The following ATIC variants were observed in gnomAD, a reference collection of about 807,000 sequenced individuals.
ATIC encodes the protein bifunctional purine biosynthesis protein ATIC.
A neutral mutation model predicts 72.5 loss-of-function variants in ATIC; 64 were observed. The observed-to-expected ratio is 0.88, with a 90% CI of 0.72 to 1.09. ATIC has a LOEUF of 1.09. Ranked by LOEUF, ATIC falls within the 50% of genes least tolerant of loss-of-function variation. The probability of loss-of-function intolerance (pLI) is 0.00; values close to 1 mark genes in which losing one functional copy is unlikely to be tolerated. For synonymous variants in ATIC, 281 were observed against 267.1 expected (o/e 1.05, Z -0.51); for missense variants, 787 against 732.4 (o/e 1.07, Z -0.86).
At chr2:215,317,082 T>C (rs559149080) in intron 2 of ATIC, among the ~76,000 whole-genome samples, 1 of 152,278 alleles carries the variant, frequency 6.6e-6, no homozygotes, top group African/African-American at 2.4e-5. Context: ...TTTTTTCTTA[T>C]ATATTGTGGG....
At chr2:215,321,477 G>A (rs1238666903) in intron 4 of ATIC, among the ~76,000 whole-genome samples, 1 of 152,140 alleles carries the variant, frequency 6.6e-6, no homozygotes, top group East Asian at 1.9e-4. Context: ...ATACACATTC[G>A]TTTCATTGGG....
chr2:215,331,584 A>T (rs574721607), intron 7 of ATIC, among the ~76,000 whole-genome samples: 1 of 151,976 alleles, frequency 6.6e-6, no homozygotes, highest in Non-Finnish European at 1.5e-5. Context: ...GGGTTTCACC[A>T]TGTTGACCAG....
chr2:215,322,105 G>C (rs1302054611), intron 4 of ATIC, among the ~76,000 whole-genome samples: 1 of 151,930 alleles, frequency 6.6e-6, no homozygotes, highest in Non-Finnish European at 1.5e-5. Context: ...GTTTCACTAT[G>C]TTGGCCAGGT....
At chr2:215,347,950 C>T (rs1358235131) in intron 14 of ATIC, among the ~76,000 whole-genome samples, 1 of 152,110 alleles carries the variant, frequency 6.6e-6, no homozygotes, top group Non-Finnish European at 1.5e-5. Context: ...GATCAAGGTA[C>T]TGGTGGGCTG....
the ATIC span, among the ~76,000 whole-genome samples, chr2:215,365,157 C>T: frequency 6.6e-6 from 1 of 152,138 alleles, no homozygotes; most frequent in Non-Finnish European, 1.5e-5. Flanking sequence ...TAGGGTGGCA[C>T]TTCCAAAAAT....
chr2:215,319,623 G>GT, intron 3 of ATIC, 42 bp from the exon 4 acceptor site: 1 of 1,403,590 alleles, frequency 7.1e-7, no homozygotes, highest in Non-Finnish European at 1.0e-6. Flanking sequence ...AATCTGACTT[G>GT]TTTTTTGAAG....
intron 11 of ATIC, among the ~76,000 whole-genome samples, chr2:215,337,170 A>G (rs2052965246): frequency 6.6e-6 from 1 of 152,026 alleles, no homozygotes; most frequent in African/African-American, 2.4e-5. Context: ...TTGATAAAGC[A>G]AAGAGTTATT....
intron 4 of ATIC, among the ~76,000 whole-genome samples, chr2:215,324,928 T>C (rs1424848879): frequency 6.6e-6 from 1 of 152,170 alleles, no homozygotes; most frequent in African/African-American, 2.4e-5. Flanking sequence ...GTTCTATAAA[T>C]TTTTCATGGC....
chr2:215,346,795 C>G lies in ATIC; in HGVS notation c.1357C>G (p.His453Asp). The change falls in exon 14 of 16, where the codon CAC (histidine) becomes GAC (aspartate). Residue 453 changes from histidine to aspartate, a missense_variant. By Grantham distance (81) the His-to-Asp change is moderately conservative. Transcript: ENST00000236959. ...TGGAGCAGGACAGCAGTCTCGTATA[C>G]ACTGCACTCGCCTTGCAGGAGATAA... ...GIGAGQQSRI[H>D]CTRLAGDKAN... is the part of the protein sequence containing the mutation. The G allele has an allele frequency of 6.2e-7, 1 of 1,614,182 alleles. No individual in the cohort carries two copies. The highest frequency in any genetic ancestry group is 1.7e-5 in the Admixed American group (1 of 60,024).
At chr2:215,351,502 C>T (rs1449631916), downstream of ATIC, among the ~76,000 whole-genome samples, 2 of 152,124 alleles carry the variant, frequency 1.3e-5, no homozygotes, top group African/African-American at 4.8e-5. Flanking sequence ...TGTCTCCTGT[C>T]TATAATCCCA....
the ATIC span, among the ~76,000 whole-genome samples, chr2:215,366,837 C>T: frequency 1.1e-4 from 16 of 152,150 alleles, no homozygotes; most frequent in African/African-American, 3.9e-4. Flanking sequence ...AAACGTAGTT[C>T]GATTTCAGGA....
At chr2:215,368,230 C>G in the ATIC span, among the ~76,000 whole-genome samples, 2 of 152,206 alleles carry the variant, frequency 1.3e-5, no homozygotes, top group Non-Finnish European at 2.9e-5. Context: ...AGGCACCCGA[C>G]AGGAAGCCCA....
the ATIC span, among the ~76,000 whole-genome samples, chr2:215,356,701 A>T: frequency 6.6e-6 from 1 of 152,358 alleles, no homozygotes; most frequent in African/African-American, 2.4e-5. Context: ...ATTGGATCAC[A>T]TAATATGTGC....
At chr2:215,342,828 C>T (rs941645737) in intron 12 of ATIC, among the ~76,000 whole-genome samples, 5 of 152,122 alleles carry the variant, frequency 3.3e-5, no homozygotes, top group African/African-American at 4.8e-5. Context: ...TACAGGCATG[C>T]GGCACCACAC....
At chr2:215,365,264 C>T in the ATIC span, among the ~76,000 whole-genome samples, 3 of 152,180 alleles carry the variant, frequency 2.0e-5, no homozygotes, top group South Asian at 2.1e-4. Flanking sequence ...TAGCATTTTA[C>T]TGCAGATAAT....
chr2:215,339,618 G>C lies in ATIC; in HGVS notation c.1227+711G>C, dbSNP rs577924879. ...TATTTATTGTTCTTATTTTTACCCTGATTGATTGATTTATTTTTTTATTTT... is the reference window on the plus strand; with the variant it reads ...TATTTATTGTTCTTATTTTTACCCTCATTGATTGATTTATTTTTTTATTTT... On this transcript the variant is annotated intron_variant, in intron 12 of 15. Coordinates refer to ENST00000236959, the MANE Select transcript of ATIC (RefSeq NM_004044.7). Among the ~76,000 whole-genome samples the C allele has an allele frequency of 2.0e-5, 3 of 152,216 alleles. No individual in the cohort carries two copies. In the East Asian group the frequency reaches 5.8e-4, roughly 29 times the overall value.
the ATIC span, among the ~76,000 whole-genome samples, chr2:215,357,860 T>A: frequency 1.3e-5 from 2 of 152,210 alleles, no homozygotes; most frequent in Middle Eastern, 3.4e-3. Context: ...TTTTTTTTTT[T>A]TCTTAAGAGT....
the ATIC span, chr2:215,362,147 T>G: frequency 8.2e-7 from 1 of 1,220,846 alleles, no homozygotes; most frequent in African/African-American, 1.5e-5. Flanking sequence ...ATTTAGTGTT[T>G]GAGTTAAAGA....
intron 7 of ATIC, among the ~76,000 whole-genome samples, chr2:215,331,435 T>C (rs900310698): frequency 6.9e-6 from 1 of 144,464 alleles, no homozygotes; most frequent in Non-Finnish European, 1.5e-5. Flanking sequence ...CAGGCTGGAG[T>C]GCAGTGGCGC....
Sources: allele counts gnomAD v4.1 joint callset (sites outside exome capture counted in the v4.1 genomes callset), GRCh38; gene constraint gnomAD v4.1.1; transcripts MANE v1.5; gene names NCBI Gene and HGNC (gene_info 2026-07-23, HGNC 2026-07-21).